EDIL3: variants seen among roughly 807,000 people sequenced by gnomAD.
The protein encoded by EDIL3 is EGF-like repeat and discoidin I-like domain-containing protein 3.
A neutral mutation model predicts 67.4 loss-of-function variants in EDIL3; 37 were observed. The ratio of observed to expected loss-of-function variants is 0.55; its 90% CI spans 0.42 to 0.72. EDIL3 has a LOEUF of 0.72. Among genes scored for constraint, EDIL3 ranks in the 30% least tolerant of loss-of-function variants. The pLI is 0.00. For synonymous variants in EDIL3, 195 were observed against 196.3 expected, an observed-to-expected ratio of 0.99 and a Z score of 0.05; for missense variants, 527 against 586.3, an observed-to-expected ratio of 0.90 and a Z score of 1.04.
chr5:84,064,656 G>T (rs1392497531), intron 8 of EDIL3, 44 bp downstream of exon 8: 2 of 1,563,870 alleles, frequency 1.3e-6, no homozygotes, highest in Admixed American at 3.9e-5. Context: ...TATGCTTTTT[G>T]TTTTCTTTAA....
At chr5:84,182,618 A>G (rs896270459) in intron 3 of EDIL3, among the ~76,000 whole-genome samples, 10 of 152,080 alleles carry the variant, frequency 6.6e-5, no homozygotes, top group African/African-American at 1.4e-4. Context: ...TTATGAATCT[A>G]TTTCTTCTTC....
chr5:84,281,855 CTTTTTTTTTTTTTTTT>C (rs10708663), intron 1 of EDIL3, among the ~76,000 whole-genome samples: 1 of 72,574 alleles, frequency 1.4e-5, no homozygotes, highest in African/African-American at 5.9e-5. Context: ...TTTTATTTCA[CTTTTTTTTTTTTTTTT>C]TTTTTTTTTG....
intron 10 of EDIL3, among the ~76,000 whole-genome samples, chr5:83,950,347 C>G (rs1046695663): frequency 6.6e-6 from 1 of 151,726 alleles, no homozygotes; most frequent in East Asian, 2.0e-4. Context: ...TTAGGGAATC[C>G]TGAATTTGTG....
chr5:84,186,850 T>C (rs944208907), intron 3 of EDIL3, among the ~76,000 whole-genome samples: 3 of 152,020 alleles, frequency 2.0e-5, no homozygotes, highest in Non-Finnish European at 4.4e-5. Flanking sequence ...AACAAAAAGA[T>C]AGAAGACAAG....
chr5:84,042,111 A>C (rs1746135934), intron 9 of EDIL3, among the ~76,000 whole-genome samples: 1 of 152,176 alleles, frequency 6.6e-6, no homozygotes, highest in Non-Finnish European at 1.5e-5. Flanking sequence ...CTGCTATCAA[A>C]TTTTGTTCCA....
chr5:84,290,192 C>T (rs1745885077), intron 1 of EDIL3, among the ~76,000 whole-genome samples: 1 of 152,172 alleles, frequency 6.6e-6, no homozygotes, highest in South Asian at 2.1e-4. Context: ...CCAAGGACTG[C>T]TTGATGCTGG....
At chr5:84,383,508 C>T (rs1007266222) in intron 1 of EDIL3, among the ~76,000 whole-genome samples, 1 of 152,090 alleles carries the variant, frequency 6.6e-6, no homozygotes, top group Non-Finnish European at 1.5e-5. Context: ...TCGTGCAATT[C>T]ACAGAAGGCA....
intron 4 of EDIL3, among the ~76,000 whole-genome samples, chr5:84,158,207 C>T (rs1444172339): frequency 1.3e-5 from 2 of 152,032 alleles, no homozygotes; most frequent in Admixed American, 6.6e-5. Flanking sequence ...AATATTTTGG[C>T]ATTTTCACTT....
intron 1 of EDIL3, among the ~76,000 whole-genome samples, chr5:84,353,467 A>T (rs1268798617): frequency 6.6e-6 from 1 of 152,210 alleles, no homozygotes; most frequent in African/African-American, 2.4e-5. Context: ...TAATTCTAGG[A>T]TAAAGACATT....
intron 9 of EDIL3, among the ~76,000 whole-genome samples, chr5:84,056,681 T>C (rs1746453503): frequency 6.6e-6 from 1 of 151,978 alleles, no homozygotes; most frequent in Admixed American, 6.6e-5. Context: ...TTTTAGCTGG[T>C]ATATAAAAGA....
chr5:84,314,079 C>T (rs1746462085), intron 1 of EDIL3, among the ~76,000 whole-genome samples: 1 of 152,040 alleles, frequency 6.6e-6, no homozygotes, highest in South Asian at 2.1e-4. Flanking sequence ...GCCTGTAATC[C>T]CAGCTACATG....
intron 1 of EDIL3, among the ~76,000 whole-genome samples, chr5:84,301,087 T>C (rs1385427819): frequency 6.6e-6 from 1 of 152,098 alleles, no homozygotes; most frequent in African/African-American, 2.4e-5. Flanking sequence ...CTGACCAATA[T>C]GGAGAAACCC....
intron 6 of EDIL3, among the ~76,000 whole-genome samples, chr5:84,080,752 T>A (rs1746951787): frequency 6.6e-6 from 1 of 152,226 alleles, no homozygotes; most frequent in South Asian, 2.1e-4. Flanking sequence ...TTCACCAATA[T>A]GTTTAAACAA....
Position 84,049,271 on chromosome 5 carries a change from T to C in EDIL3, c.1137+11029A>G, listed in dbSNP as rs1746286181. The stretch of plus-strand genomic sequence containing the variant: ...TTACATTTCATTATTTTATTGGAAA[T>C]TCCATTTTGGAGGAATATATATGCA... On this transcript the variant is annotated intron_variant, in intron 9 of 10. Coordinates refer to ENST00000296591, the MANE Select transcript of EDIL3 (RefSeq NM_005711.5). Among the ~76,000 whole-genome samples the C allele has an allele frequency of 6.0e-5, 9 of 150,956 alleles. No homozygotes were observed. In the Admixed American group the frequency reaches 6.0e-4, roughly 10 times the overall value.
At chr5:84,107,622 C>T (rs1461633936) in intron 5 of EDIL3, among the ~76,000 whole-genome samples, 2 of 151,130 alleles carry the variant, frequency 1.3e-5, no homozygotes. Flanking sequence ...AGAAAATTTT[C>T]CAATGAAATT....
At chr5:84,211,290 C>T (rs1744112895) in intron 3 of EDIL3, among the ~76,000 whole-genome samples, 1 of 152,086 alleles carries the variant, frequency 6.6e-6, no homozygotes, top group African/African-American at 2.4e-5. Context: ...AGACTAGCAC[C>T]TCCTCTCTCT....
chr5:84,144,396 C>A (rs1451892203), intron 4 of EDIL3, among the ~76,000 whole-genome samples: 1 of 151,876 alleles, frequency 6.6e-6, no homozygotes, highest in Non-Finnish European at 1.5e-5. Flanking sequence ...GTTTCTGAAG[C>A]TCTTACAGTA....
chr5:84,222,422 A>G (rs1334539113), intron 3 of EDIL3, among the ~76,000 whole-genome samples: 7 of 151,984 alleles, frequency 4.6e-5, no homozygotes, highest in East Asian at 1.9e-4. Context: ...GAATGTATGG[A>G]TGCATTGGTA....
chr5:83,958,529 G>A (rs1744553749), intron 10 of EDIL3, among the ~76,000 whole-genome samples: 1 of 151,416 alleles, frequency 6.6e-6, no homozygotes, highest in South Asian at 2.1e-4. Flanking sequence ...CAAAACCCTG[G>A]ATAATTTTAG....
Sources: allele counts gnomAD v4.1 joint callset (sites outside exome capture counted in the v4.1 genomes callset), GRCh38; gene constraint gnomAD v4.1.1; transcripts MANE v1.5; gene names NCBI Gene and HGNC (gene_info 2026-07-23, HGNC 2026-07-21).